The following PPA2 variants were observed in gnomAD, a reference collection of about 807,000 sequenced individuals.
PPA2 encodes the protein inorganic pyrophosphatase 2.
PPA2 carries 48 observed loss-of-function variants against 49.5 expected under a neutral mutation model. The ratio of observed to expected loss-of-function variants is 0.97; its 90% CI spans 0.77 to 1.23. PPA2 has a LOEUF of 1.23. Among genes scored for constraint, PPA2 ranks in the 50% most tolerant of loss-of-function variants. The pLI is 0.00. For missense variants in PPA2, 429 were observed against 410.1 expected (o/e 1.05, Z -0.40); for synonymous variants, 131 against 139.9 (o/e 0.94, Z 0.45).
intron 3 of PPA2, 42 bp from the exon 4 acceptor site, chr4:105,449,445 T>C: frequency 7.4e-7 from 1 of 1,350,112 alleles, no homozygotes; most frequent in Non-Finnish European, 1.0e-6. Flanking sequence ...TTAAAAATTT[T>C]ACCTTTTATT....
At chr4:105,403,866 C>T (rs1158652103) in intron 7 of PPA2, among the ~76,000 whole-genome samples, 3 of 151,088 alleles carry the variant, frequency 2.0e-5, no homozygotes, top group African/African-American at 7.3e-5. Context: ...AACCAATTCA[C>T]TTGTTTCTAA....
At chr4:105,425,023 G>A (rs1007387558) in intron 6 of PPA2, among the ~76,000 whole-genome samples, 2 of 152,162 alleles carry the variant, frequency 1.3e-5, no homozygotes, top group Admixed American at 6.5e-5. Context: ...TGCATTAATG[G>A]TAGGACTAAA....
intron 1 of PPA2, among the ~76,000 whole-genome samples, chr4:105,469,617 A>G (rs1723442226): frequency 1.3e-5 from 2 of 152,264 alleles, no homozygotes; most frequent in Non-Finnish European, 2.9e-5. Flanking sequence ...AGAAATGTAA[A>G]GGAGCCTAAA....
At chr4:105,407,607 T>C (rs566537666) in intron 7 of PPA2, among the ~76,000 whole-genome samples, 43 of 152,208 alleles carry the variant, frequency 2.8e-4, no homozygotes, top group Non-Finnish European at 5.7e-4. Flanking sequence ...GTAATGTGAA[T>C]GGATAAACTG....
chr4:105,386,470 G>C, intron 10 of PPA2, 97 bp downstream of exon 10: 1 of 1,075,538 alleles, frequency 9.3e-7, no homozygotes, highest in South Asian at 1.5e-5. Context: ...TTCTCAAAAG[G>C]ACTTGACACA....
chr4:105,389,900 A>T (rs917866983), intron 9 of PPA2, among the ~76,000 whole-genome samples: 1 of 152,182 alleles, frequency 6.6e-6, no homozygotes, highest in Non-Finnish European at 1.5e-5. Flanking sequence ...CCTTGGAATA[A>T]ATGTACACAA....
rs1007719876 is a variant in PPA2, at chr4:105,369,543, A to G, written c.*182T>C. On this transcript the variant is annotated 3_prime_UTR_variant, in exon 12 of 12. Coordinates refer to ENST00000341695, the MANE Select transcript of PPA2 (RefSeq NM_176869.3). ...TGGCCAAAATCTTCTTTTTATATCA[A>G]TAAATGTCCAAAGGAGAGTAATTTA... 1 of 577,162 alleles carries G rather than the reference A, an allele frequency of 1.7e-6. No individual in the cohort carries two copies. Among genetic ancestry groups the G allele is most frequent in the South Asian group, 2.6e-5 (1 of 38,794 alleles). The allele number at this position is 577,162 out of a possible 1,614,324, so 35.8% of individuals were successfully genotyped here. A position where few individuals can be genotyped will look rare whatever the true frequency, so the allele number is the denominator to read the frequency against.
chr4:105,455,775 C>T (rs1031258865), intron 2 of PPA2, among the ~76,000 whole-genome samples: 4 of 152,184 alleles, frequency 2.6e-5, no homozygotes, highest in African/African-American at 9.7e-5. Flanking sequence ...ACCCTTGCAT[C>T]TGAAGTAGCC....
intron 1 of PPA2, among the ~76,000 whole-genome samples, chr4:105,472,301 C>T (rs532712148): frequency 6.8e-4 from 103 of 152,342 alleles, no homozygotes; most frequent in African/African-American, 2.4e-3. Context: ...GGGTCAACTA[C>T]TCTGTGCGCT....
At chr4:105,379,699 T>C (rs113893669) in intron 10 of PPA2, among the ~76,000 whole-genome samples, 4,821 of 150,138 alleles carry the variant, frequency 0.032, 267 homozygotes, top group African/African-American at 0.11. Flanking sequence ...AGTGGCGCGA[T>C]CTCGGCTCAC....
intron 5 of PPA2, among the ~76,000 whole-genome samples, chr4:105,442,410 G>A (rs1011703609): frequency 6.6e-6 from 1 of 152,038 alleles, no homozygotes; most frequent in African/African-American, 2.4e-5. Context: ...CTAATAAGTA[G>A]GACTATATAT....
chr4:105,388,403 T>C lies in PPA2; in HGVS notation c.870-1767A>G, dbSNP rs924444404. ...GCCAGCACGGTAAAATTTAAAAATA[T>C]TTAAAATTTTATTTTAATTTTAAAA... On this transcript the variant is annotated intron_variant, in intron 9 of 11. Coordinates refer to ENST00000341695, the MANE Select transcript of PPA2 (RefSeq NM_176869.3). Among the ~76,000 whole-genome samples the C allele has an allele frequency of 9.2e-5, 14 of 152,040 alleles. No individual in the cohort carries two copies. The South Asian group carries it at 1.0e-3, about 11-fold the overall frequency.
chr4:105,370,724 T>C (rs996795147), intron 11 of PPA2, 113 bp downstream of exon 11: 4 of 1,223,282 alleles, frequency 3.3e-6, no homozygotes, highest in Admixed American at 4.4e-5. Flanking sequence ...TTCACTTAGC[T>C]TATACAGCTT....
intron 6 of PPA2, among the ~76,000 whole-genome samples, chr4:105,431,957 G>A (rs1723821576): frequency 6.6e-6 from 1 of 152,118 alleles, no homozygotes; most frequent in Non-Finnish European, 1.5e-5. Context: ...CTGCTAATGG[G>A]GATGGGGTTT....
intron 10 of PPA2, 95 bp from the exon 11 acceptor site, chr4:105,370,968 G>A: frequency 8.4e-7 from 1 of 1,189,152 alleles, no homozygotes; most frequent in Non-Finnish European, 1.1e-6. Context: ...ATAGAAGAAA[G>A]TTTACACACA....
chr4:105,395,411 T>A (rs1734098663), intron 9 of PPA2, among the ~76,000 whole-genome samples: 1 of 136,986 alleles, frequency 7.3e-6, no homozygotes, highest in African/African-American at 2.4e-5. Context: ...ATACTTAGAC[T>A]TACCAAGAGT....
At chr4:105,414,627 C>T (rs913319425) in intron 7 of PPA2, among the ~76,000 whole-genome samples, 20 of 152,234 alleles carry the variant, frequency 1.3e-4, no homozygotes, top group African/African-American at 2.7e-4. Flanking sequence ...AAGTGCAGAG[C>T]CCCAAAGAGG....
Position 105,426,006 on chromosome 4 carries a change from A to G in PPA2, c.529-1684T>C, listed in dbSNP as rs149918394. On this transcript the variant is annotated intron_variant, in intron 6 of 11. Coordinates refer to ENST00000341695, the MANE Select transcript of PPA2 (RefSeq NM_176869.3). ...CTACCAACCTAGAATGCCGGGAGTC[A>G]TAAAGACTTTGCAAAGGGGAAAGGG... is the stretch of plus-strand genomic sequence containing the variant. 5.9e-3 allele frequency among the ~76,000 whole-genome samples: 900 copies of G among 152,320 alleles called. 13 individuals carry two copies. Among genetic ancestry groups the G allele is most frequent in the African/African-American group, 0.021 (854 of 41,568 alleles).
intron 1 of PPA2, among the ~76,000 whole-genome samples, chr4:105,463,251 G>A (rs1242151429): frequency 6.6e-6 from 1 of 152,182 alleles, no homozygotes; most frequent in Non-Finnish European, 1.5e-5. Context: ...GGGAACTGGA[G>A]CAAAGGTGAT....
Sources: allele counts gnomAD v4.1 joint callset (sites outside exome capture counted in the v4.1 genomes callset), GRCh38; gene constraint gnomAD v4.1.1; transcripts MANE v1.5; gene names NCBI Gene and HGNC (gene_info 2026-07-23, HGNC 2026-07-21).